The following ADGRF5 variants were observed in gnomAD, a reference collection of about 807,000 sequenced individuals.
The protein encoded by ADGRF5 is G-protein coupled receptor 116.
ADGRF5 carries 75 observed loss-of-function variants against 132.3 expected under a neutral mutation model. The ratio of observed to expected loss-of-function variants is 0.57; its 90% CI spans 0.47 to 0.69. The LOEUF is 0.69. Among genes scored for constraint, ADGRF5 ranks in the 30% least tolerant of loss-of-function variants. The pLI is 0.00. For missense variants in ADGRF5, 1,516 were observed against 1,630.6 expected (o/e 0.93, Z 1.21); for synonymous variants, 629 against 597.6 (o/e 1.05, Z -0.77).
At chr6:46,857,144 A>C (rs916405958) in intron 17 of ADGRF5, among the ~76,000 whole-genome samples, 2 of 152,202 alleles carry the variant, frequency 1.3e-5, no homozygotes, top group Non-Finnish European at 2.9e-5. Flanking sequence ...CTTTAGTTGA[A>C]AACTGGAGGT....
At position 46,934,028 on chromosome 6, in the gene ADGRF5, A is replaced by G. The variant is rs971916361; in HGVS notation, c.-25+20706T>C. On this transcript the variant is annotated intron_variant, in intron 1 of 20. Coordinates refer to the ADGRF5 transcript ENST00000265417. The stretch of plus-strand genomic sequence containing the variant: ...CTTTTCCATTTTGTTGAAAGCCATT[A>G]AGATCTAGACTTTGTGTTTTACCCA... Among the ~76,000 whole-genome samples the G allele has an allele frequency of 5.9e-5, 9 of 152,180 alleles. 1 individual carries two copies. Among genetic ancestry groups the G allele is most frequent in the Admixed American group, 5.9e-4 (9 of 15,276 alleles).
At chr6:46,952,438 C>T (rs1011919166) in intron 1 of ADGRF5, among the ~76,000 whole-genome samples, 1 of 152,134 alleles carries the variant, frequency 6.6e-6, no homozygotes, top group Non-Finnish European at 1.5e-5. Context: ...GAGTCCTTGA[C>T]TTCGAGTGGC....
chr6:46,953,317 G>C (rs1778567219), intron 1 of ADGRF5, among the ~76,000 whole-genome samples: 1 of 152,046 alleles, frequency 6.6e-6, no homozygotes, highest in Non-Finnish European at 1.5e-5. Context: ...AAGCAACAGA[G>C]TGCAATAGAA....
chr6:46,946,482 A>G lies in ADGRF5; in HGVS notation c.-25+8252T>C, dbSNP rs115103362. 3.9e-3 allele frequency among the ~76,000 whole-genome samples: 596 copies of G among 152,284 alleles called. 3 individuals carry two copies. The highest frequency in any genetic ancestry group is 0.014 in the African/African-American group (571 of 41,558). ...CCTTTCAAGAATTTTGTGGTGAGGG[A>G]AAATGAAGATGGAAGTGCAGCTGAG... On this transcript the variant is annotated intron_variant, in intron 1 of 20. Coordinates refer to the ADGRF5 transcript ENST00000265417.
Position 46,878,388 on chromosome 6 carries a change from G to A in ADGRF5, c.1054C>T (p.Leu352=). 1 of 1,601,070 alleles carries A rather than the reference G, an allele frequency of 6.2e-7. No homozygotes were observed. The highest frequency in any genetic ancestry group is 1.1e-5 in the South Asian group (1 of 90,706). Residue 352 remains leucine (L), a synonymous_variant, in exon 10 of 21, where the codon CTG becomes TTG. Coordinates refer to ENST00000283296, the MANE Select transcript of ADGRF5 (RefSeq NM_001098518.2). ...PGDAGEYVCK[L]ILDIFEYECK... is the part of the protein sequence containing the mutation. ...TCATATTCAAAAATGTCTAATATCA[G>A]TTTGCAAACATATTCACCTGCATAA...
chr6:46,914,271 G>T (rs2150912499), intron 1 of ADGRF5, among the ~76,000 whole-genome samples: 1 of 152,296 alleles, frequency 6.6e-6, no homozygotes, highest in Admixed American at 6.5e-5. Flanking sequence ...AAACCCTTAA[G>T]TGTAACTTTA....
Position 46,853,990 on chromosome 6 carries a change from T to G in ADGRF5, c.*2A>C. The G allele has an allele frequency of 6.3e-7, 1 of 1,599,204 alleles. No individual in the cohort carries two copies. The highest frequency in any genetic ancestry group is 8.5e-7 in the Non-Finnish European group (1 of 1,172,274). ...GGTCACGTAGGTTGGATTATCCTGT[T>G]CTTAGTTGAGCAACGAAGAAGCACT... On this transcript the variant is annotated 3_prime_UTR_variant, in exon 21 of 21. Coordinates refer to ENST00000283296, the MANE Select transcript of ADGRF5 (RefSeq NM_001098518.2).
upstream of ADGRF5, among the ~76,000 whole-genome samples, chr6:46,924,764 T>A (rs2150929849): frequency 6.6e-6 from 1 of 152,346 alleles, no homozygotes; most frequent in South Asian, 2.1e-4. Flanking sequence ...AAAGGGCATC[T>A]CCATCCTTCC....
chr6:46,881,695 G>A, intron 7 of ADGRF5, 98 bp from the exon 8 acceptor site: 1 of 971,684 alleles, frequency 1.0e-6, no homozygotes. Flanking sequence ...AGCACAAACT[G>A]CCTGATGCAG....
intron 20 of ADGRF5, chr6:46,854,900 G>GA (rs58917843): frequency 0.89 from 368,099 of 414,264 alleles, 166,327 homozygotes; most frequent in East Asian, 0.99. Flanking sequence ...AATTGAAGCA[G>GA]AAAAAACCCA....
chr6:46,946,865 G>A (rs1778321236), intron 1 of ADGRF5, among the ~76,000 whole-genome samples: 1 of 152,234 alleles, frequency 6.6e-6, no homozygotes, highest in African/African-American at 2.4e-5. Context: ...GGCTTCGCTA[G>A]TGCTTGGAGA....
At chr6:46,860,117 G>A (rs1769565687) in intron 16 of ADGRF5, among the ~76,000 whole-genome samples, 1 of 152,118 alleles carries the variant, frequency 6.6e-6, no homozygotes, top group Admixed American at 6.6e-5. Flanking sequence ...TATAGCTCCT[G>A]CTGACTGGTC....
At position 46,867,112 on chromosome 6, in the gene ADGRF5, A is replaced by G; in HGVS notation, c.1647T>C (p.Tyr549=). 6.2e-7 allele frequency: 1 copy of G among 1,609,440 alleles called. No individual in the cohort carries two copies. Among genetic ancestry groups the G allele is most frequent in the Non-Finnish European group, 8.5e-7 (1 of 1,175,820 alleles). The change falls in exon 13 of 21, where the codon TAT becomes TAC. Residue 549 remains tyrosine (Y), a synonymous_variant. Transcript: ENST00000283296. ...WNGTYHCIFR[Y]KNSYSIATKD... ...TGGTTGCAATACTGTATGAATTCTTATATCTAAATATGCAGTGATAGGTTC... is the reference window on the plus strand; with the variant it reads ...TGGTTGCAATACTGTATGAATTCTTGTATCTAAATATGCAGTGATAGGTTC...
chr6:46,937,216 TAAG>T (rs1777875790), intron 1 of ADGRF5, among the ~76,000 whole-genome samples: 1 of 120,972 alleles, frequency 8.3e-6, no homozygotes, highest in Non-Finnish European at 1.7e-5. Flanking sequence ...GTACAGGCAA[TAAG>T]GAGTGTGTGT....
rs778395342 is a variant in ADGRF5 at position 46,858,389 on chromosome 6, G to A, written c.3514C>T (p.Leu1172=). Residue 1172 remains leucine, a synonymous_variant, in exon 17 of 21, where the codon CTG becomes TTG. Transcript: ENST00000283296. ...CWLNWEDTKA[L]LAFAIPALII... Reference sequence around the variant, plus strand: ...AGTGCTGGGATGGCGAAAGCCAGCAGGGCCTTGGTGTCCTCCCAGTTGAGC... The same window carrying A: ...AGTGCTGGGATGGCGAAAGCCAGCAAGGCCTTGGTGTCCTCCCAGTTGAGC... The A allele has an allele frequency of 5.6e-6, 9 of 1,613,850 alleles. No individual in the cohort carries two copies. The highest frequency in any genetic ancestry group is 6.8e-6 in the Non-Finnish European group (8 of 1,179,894).
chr6:46,942,925 T>C (rs1026299753), intron 1 of ADGRF5, among the ~76,000 whole-genome samples: 1 of 152,050 alleles, frequency 6.6e-6, no homozygotes, highest in African/African-American at 2.4e-5. Context: ...GTTTGAGTTA[T>C]TGGGTTTAAA....
At chr6:46,909,630 T>C (rs1433843602) in intron 1 of ADGRF5, among the ~76,000 whole-genome samples, 2 of 152,208 alleles carry the variant, frequency 1.3e-5, no homozygotes, top group African/African-American at 2.4e-5. Context: ...AGAGTGATTA[T>C]GCACCAGGAA....
intron 2 of ADGRF5, among the ~76,000 whole-genome samples, chr6:46,906,275 G>A (rs1009145330): frequency 1.3e-5 from 2 of 152,168 alleles, no homozygotes; most frequent in African/African-American, 4.8e-5. Context: ...CAAATCCTTT[G>A]AGAACATACA....
Position 46,878,290 on chromosome 6 carries a change from G to A in ADGRF5, c.1152C>T (p.Asn384=), listed in dbSNP as rs1479773565. The stretch of plus-strand genomic sequence containing the variant: ...TGCAGCAGTTCAAAGATACAGGATT[G>A]TTGTCGCACATCACCTTCATTTCTT... ...ANEEMKVMCD[N]NPVSLNCCSQ... The change falls in exon 10 of 21, where the codon AAC becomes AAT. Residue 384 remains asparagine, a synonymous_variant. Coordinates refer to ENST00000283296, the MANE Select transcript of ADGRF5 (RefSeq NM_001098518.2). 6.2e-7 allele frequency: 1 copy of A among 1,613,502 alleles called. No individual in the cohort carries two copies. The highest frequency in any genetic ancestry group is 1.3e-5 in the African/African-American group (1 of 75,008).
Sources: gnomAD v4.1 joint callset for allele counts (sites outside exome capture counted in the v4.1 genomes callset) on GRCh38, gnomAD v4.1.1 for gene constraint, MANE v1.5 for transcripts, NCBI Gene and HGNC (gene_info 2026-07-23, HGNC 2026-07-21) for gene names.